The following SGCZ variants were observed in gnomAD, a reference collection of about 807,000 sequenced individuals.
SGCZ encodes the protein zeta-sarcoglycan.
Under a neutral mutation model 41.3 loss-of-function variants are expected in SGCZ, and 40 were observed. The observed-to-expected ratio is 0.97, with a 90% CI of 0.75 to 1.26. SGCZ has a LOEUF of 1.26. Ranked by LOEUF, SGCZ falls within the 50% of genes most tolerant of loss-of-function variation. SGCZ has a pLI of 0.00. For missense variants in SGCZ, 552 were observed against 369.8 expected (o/e 1.49, Z -4.04); for synonymous variants, 206 against 137.5 (o/e 1.50, Z -3.49).
At chr8:14,614,057 T>A (rs1180711811) in intron 1 of SGCZ, among the ~76,000 whole-genome samples, 2 of 152,168 alleles carry the variant, frequency 1.3e-5, no homozygotes. Context: ...CACACTCATT[T>A]GAAAGCATAC....
intron 3 of SGCZ, among the ~76,000 whole-genome samples, chr8:14,255,397 T>C (rs891631018): frequency 6.6e-6 from 1 of 152,188 alleles, no homozygotes; most frequent in African/African-American, 2.4e-5. Context: ...ATTATCTCCA[T>C]TGTAAGCCTA....
intron 1 of SGCZ, among the ~76,000 whole-genome samples, chr8:14,798,286 C>T (rs896072495): frequency 1.3e-5 from 2 of 152,136 alleles, no homozygotes; most frequent in Non-Finnish European, 2.9e-5. Context: ...CTTTTTCTAA[C>T]AGGAATTTGG....
At chr8:14,834,521 A>T (rs958625335) in intron 1 of SGCZ, among the ~76,000 whole-genome samples, 6 of 152,154 alleles carry the variant, frequency 3.9e-5, no homozygotes, top group African/African-American at 1.2e-4. Flanking sequence ...ACCTGAAAAG[A>T]TGTTACTCCT....
At chr8:14,151,138 T>C (rs1200124208) in intron 5 of SGCZ, among the ~76,000 whole-genome samples, 3 of 152,044 alleles carry the variant, frequency 2.0e-5, no homozygotes, top group South Asian at 2.1e-4. Context: ...TAGTCAATAA[T>C]AACTTAATTG....
At chr8:15,049,638 A>G (rs1181181647) in intron 1 of SGCZ, among the ~76,000 whole-genome samples, 1 of 152,164 alleles carries the variant, frequency 6.6e-6, no homozygotes, top group Non-Finnish European at 1.5e-5. Flanking sequence ...TGCAGTGCAC[A>G]CATGCTTTAG....
intron 1 of SGCZ, 65 bp from the exon 2 acceptor site, chr8:14,554,991 C>G (rs1803990781): frequency 1.4e-6 from 2 of 1,417,702 alleles, no homozygotes; most frequent in African/African-American, 1.4e-5. Flanking sequence ...AAAAATAAAC[C>G]CATGATTTTT....
At chr8:15,101,553 G>T (rs559527117) in intron 1 of SGCZ, among the ~76,000 whole-genome samples, 1 of 152,114 alleles carries the variant, frequency 6.6e-6, no homozygotes, top group Non-Finnish European at 1.5e-5. Flanking sequence ...TATTAGAATG[G>T]CTATAACTGA....
chr8:14,287,764 A>T lies in SGCZ; in HGVS notation c.336+36339T>A, dbSNP rs544968776. On this transcript the variant is annotated intron_variant, in intron 3 of 7. Coordinates refer to ENST00000382080, the MANE Select transcript of SGCZ (RefSeq NM_139167.4). ...CAGATCTCATTAAGCTACATTGACT[A>T]AGAGGTGTACTTCACAGGCTATTTA... is the stretch of plus-strand genomic sequence containing the variant. Among the ~76,000 whole-genome samples the T allele has an allele frequency of 3.3e-5, 5 of 152,144 alleles. No individual in the cohort carries two copies. In the East Asian group the frequency reaches 9.6e-4, roughly 29 times the overall value.
At chr8:14,996,536 G>A (rs897724910) in intron 1 of SGCZ, among the ~76,000 whole-genome samples, 6 of 152,156 alleles carry the variant, frequency 3.9e-5, no homozygotes, top group African/African-American at 1.4e-4. Context: ...CAAGTAGCTG[G>A]GAGTACAGGT....
intron 1 of SGCZ, among the ~76,000 whole-genome samples, chr8:14,661,798 A>C (rs1807759272): frequency 6.6e-6 from 1 of 151,920 alleles, no homozygotes; most frequent in Non-Finnish European, 1.5e-5. Flanking sequence ...TTAACCCATC[A>C]TGAAAACTGT....
At chr8:14,201,855 TAAA>T (rs1335909802) in intron 4 of SGCZ, among the ~76,000 whole-genome samples, 2 of 144,754 alleles carry the variant, frequency 1.4e-5, no homozygotes, top group African/African-American at 2.4e-5. Context: ...GTGAGATCTT[TAAA>T]AAACAACAAC....
At chr8:14,550,551 G>A (rs1563403447) in intron 2 of SGCZ, among the ~76,000 whole-genome samples, 1 of 151,936 alleles carries the variant, frequency 6.6e-6, no homozygotes, top group Non-Finnish European at 1.5e-5. Context: ...CTACTGCTAT[G>A]TGTGGGGTCT....
At chr8:15,108,943 AT>A (rs1320389354) in intron 1 of SGCZ, among the ~76,000 whole-genome samples, 1 of 151,836 alleles carries the variant, frequency 6.6e-6, no homozygotes, top group Non-Finnish European at 1.5e-5. Context: ...AAATGATTAC[AT>A]TGTGAAAACG....
At chr8:14,905,277 G>T (rs1799089069) in intron 1 of SGCZ, among the ~76,000 whole-genome samples, 1 of 151,776 alleles carries the variant, frequency 6.6e-6, no homozygotes, top group Non-Finnish European at 1.5e-5. Context: ...AAGCTATAAA[G>T]AATGAACAAA....
intron 1 of SGCZ, among the ~76,000 whole-genome samples, chr8:14,613,294 A>T (rs1433623053): frequency 6.6e-6 from 1 of 152,142 alleles, no homozygotes; most frequent in African/African-American, 2.4e-5. Context: ...ACATAATGTC[A>T]CCTATTATTT....
chr8:14,335,447 T>G (rs1442362098), intron 2 of SGCZ, among the ~76,000 whole-genome samples: 1 of 152,104 alleles, frequency 6.6e-6, no homozygotes, highest in Admixed American at 6.6e-5. Context: ...TTAATTTCAT[T>G]ACAGATGCTG....
At chr8:14,700,485 G>C in intron 1 of SGCZ, among the ~76,000 whole-genome samples, 1 of 151,750 alleles carries the variant, frequency 6.6e-6, no homozygotes, top group South Asian at 2.1e-4. Flanking sequence ...GATGGGGGAG[G>C]GTTGAAAAAC....
chr8:14,776,684 G>A (rs948460333), intron 1 of SGCZ, among the ~76,000 whole-genome samples: 2 of 151,542 alleles, frequency 1.3e-5, no homozygotes, highest in Middle Eastern at 3.4e-3. Flanking sequence ...TAGTAGAGGC[G>A]GGGTTTCACC....
chr8:15,204,751 T>G (rs573443651), intron 1 of SGCZ, among the ~76,000 whole-genome samples: 4 of 152,336 alleles, frequency 2.6e-5, no homozygotes, highest in African/African-American at 9.6e-5. Flanking sequence ...TCTCTACTTT[T>G]TATGTTAACT....
Sources: gnomAD v4.1 joint callset for allele counts (sites outside exome capture counted in the v4.1 genomes callset) on GRCh38, gnomAD v4.1.1 for gene constraint, MANE v1.5 for transcripts, NCBI Gene and HGNC (gene_info 2026-07-23, HGNC 2026-07-21) for gene names.